The following LRMDA variants were observed in gnomAD, a reference collection of about 807,000 sequenced individuals.
LRMDA encodes the protein leucine-rich melanocyte differentiation-associated protein.
In LRMDA, 18 loss-of-function variants were observed where a neutral mutation model predicts 29.8. That is an observed-to-expected ratio of 0.60 (90% CI 0.42 to 0.90). The LOEUF is 0.90. LRMDA is among the 40% of genes least tolerant of loss of function. The probability of loss-of-function intolerance (pLI) is 0.00; values close to 1 mark genes in which losing one functional copy is unlikely to be tolerated. For missense variants in LRMDA, 273 were observed against 273.9 expected (o/e 1.00, Z 0.02); for synonymous variants, 125 against 109.4 (o/e 1.14, Z -0.89).
At chr10:76,255,819 G>A (rs1031144431) in intron 5 of LRMDA, among the ~76,000 whole-genome samples, 23 of 152,292 alleles carry the variant, frequency 1.5e-4, no homozygotes, top group Non-Finnish European at 7.3e-5. Flanking sequence ...AAATGTAGCA[G>A]AAAGGCACAT....
chr10:76,353,456 A>T (rs183851357), intron 6 of LRMDA, among the ~76,000 whole-genome samples: 128 of 152,210 alleles, frequency 8.4e-4, no homozygotes, highest in Non-Finnish European at 1.1e-3. Context: ...AATGCAGATT[A>T]TTCGACTGAA....
intron 2 of LRMDA, among the ~76,000 whole-genome samples, chr10:75,997,521 T>C (rs1368260867): frequency 6.6e-6 from 1 of 151,758 alleles, no homozygotes; most frequent in Non-Finnish European, 1.5e-5. Context: ...AAAGACAAAC[T>C]CTTAGAGATG....
At chr10:75,483,065 C>T (rs985177376) in intron 2 of LRMDA, among the ~76,000 whole-genome samples, 17 of 152,124 alleles carry the variant, frequency 1.1e-4, no homozygotes, top group African/African-American at 3.9e-4. Flanking sequence ...GTGCCTCAGC[C>T]TCCTGAGTAG....
intron 6 of LRMDA, among the ~76,000 whole-genome samples, chr10:76,480,424 A>G (rs80304144): frequency 0.027 from 4,088 of 152,010 alleles, 80 homozygotes; most frequent in South Asian, 0.11. Flanking sequence ...CTGAAGTCAT[A>G]GAATAGTAGA....
chr10:75,598,752 T>C (rs1840838466), intron 2 of LRMDA, among the ~76,000 whole-genome samples: 1 of 152,184 alleles, frequency 6.6e-6, no homozygotes, highest in Admixed American at 6.5e-5. Flanking sequence ...ACCTAGTATA[T>C]AGAGAAATTT....
At chr10:75,526,487 G>A (rs1845413802) in intron 2 of LRMDA, among the ~76,000 whole-genome samples, 1 of 152,038 alleles carries the variant, frequency 6.6e-6, no homozygotes, top group Admixed American at 6.6e-5. Context: ...ACAAAAAGAG[G>A]CATATACTCA....
At chr10:76,339,429 A>G (rs1162567411) in intron 6 of LRMDA, among the ~76,000 whole-genome samples, 1 of 152,070 alleles carries the variant, frequency 6.6e-6, no homozygotes, top group African/African-American at 2.4e-5. Flanking sequence ...TGTGGGATAT[A>G]CCAAAAGTCT....
chr10:75,644,689 C>G (rs943457231), intron 2 of LRMDA, among the ~76,000 whole-genome samples: 1 of 152,064 alleles, frequency 6.6e-6, no homozygotes, highest in Non-Finnish European at 1.5e-5. Context: ...AGCTCATCCC[C>G]GAAAAGCCTG....
chr10:76,343,317 C>T (rs1841064123), intron 6 of LRMDA, among the ~76,000 whole-genome samples: 1 of 152,160 alleles, frequency 6.6e-6, no homozygotes, highest in African/African-American at 2.4e-5. Context: ...ATAAGGATTA[C>T]AGAGAAAATA....
intron 5 of LRMDA, among the ~76,000 whole-genome samples, chr10:76,307,170 C>G (rs551157988): frequency 3.9e-5 from 6 of 152,148 alleles, no homozygotes; most frequent in African/African-American, 1.4e-4. Context: ...TGTTTTTAAT[C>G]TTCTGTGGGA....
chr10:76,026,924 T>C (rs1468891878), intron 2 of LRMDA, among the ~76,000 whole-genome samples: 2 of 152,244 alleles, frequency 1.3e-5, no homozygotes, highest in African/African-American at 4.8e-5. Flanking sequence ...GCTCATCCTT[T>C]AGTGAACAGC....
chr10:76,155,197 G>A (rs1403765071), intron 5 of LRMDA, among the ~76,000 whole-genome samples: 2 of 152,066 alleles, frequency 1.3e-5, no homozygotes, highest in African/African-American at 2.4e-5. Context: ...TTACCCTTAA[G>A]ATCACCAGAT....
At chr10:76,088,915 CA>C (rs1849184388) in intron 5 of LRMDA, among the ~76,000 whole-genome samples, 1 of 152,126 alleles carries the variant, frequency 6.6e-6, no homozygotes, top group Admixed American at 6.5e-5. Context: ...TCTTTCTAGA[CA>C]AAGCCCTCCT....
intron 6 of LRMDA, among the ~76,000 whole-genome samples, chr10:76,409,531 C>A (rs1407232761): frequency 6.6e-6 from 1 of 152,192 alleles, no homozygotes; most frequent in Non-Finnish European, 1.5e-5. Flanking sequence ...TACCCACAAT[C>A]CATTGCTAAC....
intron 2 of LRMDA, among the ~76,000 whole-genome samples, chr10:75,961,255 A>T (rs1281346525): frequency 2.0e-5 from 3 of 152,240 alleles, no homozygotes; most frequent in Non-Finnish European, 4.4e-5. Flanking sequence ...CTTTTTACAT[A>T]TAGGGTATTT....
rs61152758 is a variant in LRMDA, at chr10:75,854,284, C to G, written c.132-181724C>G. On this transcript the variant is annotated intron_variant, in intron 2 of 6. Transcript: ENST00000611255. ...TCAAGGTTTCTGGATTTTAGAACAT[C>G]CTTCTTTGCTTGGGTGATATTCCCC... Among the ~76,000 whole-genome samples, 1,195 of 152,228 alleles carry G rather than the reference C, an allele frequency of 7.9e-3. 18 individuals carry two copies. The highest frequency in any genetic ancestry group is 0.027 in the African/African-American group (1,119 of 41,528).
chr10:76,307,070 T>G (rs1840565137), intron 5 of LRMDA, among the ~76,000 whole-genome samples: 2 of 152,086 alleles, frequency 1.3e-5, no homozygotes, highest in Non-Finnish European at 2.9e-5. Context: ...AGTCTAGCTT[T>G]TTGTGGTTGT....
At chr10:75,596,442 T>G (rs1276895828) in intron 2 of LRMDA, among the ~76,000 whole-genome samples, 3 of 152,174 alleles carry the variant, frequency 2.0e-5, no homozygotes, top group African/African-American at 7.2e-5. Context: ...CATGTTTTCT[T>G]CCTAGGAGTC....
chr10:75,940,174 G>A (rs1170130831), intron 2 of LRMDA, among the ~76,000 whole-genome samples: 3 of 152,168 alleles, frequency 2.0e-5, no homozygotes, highest in Non-Finnish European at 4.4e-5. Flanking sequence ...GTGGGAGGTA[G>A]CGATGGTGAT....
Sources: gnomAD v4.1 joint callset for allele counts (sites outside exome capture counted in the v4.1 genomes callset) on GRCh38, gnomAD v4.1.1 for gene constraint, MANE v1.5 for transcripts, NCBI Gene and HGNC (gene_info 2026-07-23, HGNC 2026-07-21) for gene names.